Variants in ITPR1 observed in about 807,000 individuals in gnomAD.
ITPR1 encodes the protein inositol 1,4,5-trisphosphate receptor type 1, also known as inositol 1,4,5-trisphosphate-gated calcium channel ITPR1.
ITPR1 carries 96 observed loss-of-function variants against 318.4 expected under a neutral mutation model. That is an observed-to-expected ratio of 0.30 (90% CI 0.26 to 0.36). The LOEUF (loss-of-function observed/expected upper bound fraction) is 0.36. Ranked by LOEUF, ITPR1 falls within the 10% of genes least tolerant of loss-of-function variation. ITPR1 has a pLI of 1.00. For synonymous variants in ITPR1, 1,312 were observed against 1,289.9 expected (o/e 1.02, Z -0.37); for missense variants, 2,440 against 3,460.2 (o/e 0.71, Z 7.40).
chr3:4,800,110 G>A (rs761226320), intron 53 of ITPR1: 1 of 371,866 alleles, frequency 2.7e-6, no homozygotes, highest in Non-Finnish European at 4.8e-6. Flanking sequence ...TACGGAGGAG[G>A]AGGGAACTCC....
In ITPR1 at chr3:4,711,472, G is replaced by A. The variant is rs549492182; in HGVS notation, c.4992-285G>A. On this transcript the variant is annotated intron_variant, in intron 38 of 61. Coordinates refer to ENST00000649015, the MANE Select transcript of ITPR1 (RefSeq NM_001378452.1). ...ACGCTTTATAAACGAGCAGGTCTGA[G>A]TGGACCTCTGTCTCGGTTCTCCTCT... 3.1e-4 allele frequency: 102 copies of A among 332,514 alleles called. 1 individual carries two copies. Among genetic ancestry groups the A allele is most frequent in the African/African-American group, 1.9e-3 (88 of 47,484 alleles). The allele number at this position is 332,514 out of a possible 1,614,324, so 20.6% of individuals were successfully genotyped here.
At chr3:4,794,098 G>C (rs2047743160) in intron 52 of ITPR1, among the ~76,000 whole-genome samples, 1 of 152,194 alleles carries the variant, frequency 6.6e-6, no homozygotes, top group Non-Finnish European at 1.5e-5. Flanking sequence ...GGATGATGTG[G>C]AATGAGACTG....
chr3:4,734,636 C>T (rs913899832), intron 43 of ITPR1, among the ~76,000 whole-genome samples: 4 of 152,244 alleles, frequency 2.6e-5, no homozygotes, highest in Non-Finnish European at 5.9e-5. Flanking sequence ...TCATCTCCCC[C>T]ATCCCCAGCT....
chr3:4,502,214 AG>A (rs2081075648), intron 2 of ITPR1, among the ~76,000 whole-genome samples: 1 of 152,048 alleles, frequency 6.6e-6, no homozygotes, highest in Non-Finnish European at 1.5e-5. Flanking sequence ...TCTATTCCTT[AG>A]GGCCCAGCCC....
chr3:4,729,364 G>C (rs1489399713), intron 42 of ITPR1, among the ~76,000 whole-genome samples: 1 of 152,172 alleles, frequency 6.6e-6, no homozygotes, highest in Non-Finnish European at 1.5e-5. Context: ...ATACCTTGTG[G>C]AGTGAAACAT....
At chr3:4,648,365 C>T (rs1045314958) in intron 10 of ITPR1, among the ~76,000 whole-genome samples, 19 of 152,086 alleles carry the variant, frequency 1.2e-4, no homozygotes, top group Admixed American at 8.5e-4. Flanking sequence ...CCTTGAGAGA[C>T]GTCAGAATGA....
At chr3:4,825,218 T>C (rs184192075) in intron 60 of ITPR1, among the ~76,000 whole-genome samples, 72 of 152,350 alleles carry the variant, frequency 4.7e-4, no homozygotes, top group Admixed American at 1.8e-3. Flanking sequence ...CAACATTCCA[T>C]TGGAGATTTT....
chr3:4,698,197 T>C (rs1174194285), intron 34 of ITPR1, among the ~76,000 whole-genome samples: 1 of 152,212 alleles, frequency 6.6e-6, no homozygotes, highest in Admixed American at 6.5e-5. Context: ...AATTGTCAGA[T>C]ACATACCAGT....
At chr3:4,831,247 T>C (rs1282103175) in intron 60 of ITPR1, 3 of 313,740 alleles carry the variant, frequency 9.6e-6, no homozygotes, top group Non-Finnish European at 1.9e-5. Context: ...CTTCAGTGTT[T>C]GCCTTCGCAG....
intron 34 of ITPR1, among the ~76,000 whole-genome samples, chr3:4,698,452 G>T (rs1181888079): frequency 1.3e-5 from 2 of 151,994 alleles, no homozygotes; most frequent in African/African-American, 4.8e-5. Context: ...GGAATGGCAG[G>T]CCTGCTTTAT....
intron 59 of ITPR1, among the ~76,000 whole-genome samples, chr3:4,817,108 G>A (rs1386944): frequency 0.34 from 52,086 of 152,134 alleles, 9,316 homozygotes; most frequent in East Asian, 0.45. Flanking sequence ...TGTCATCATC[G>A]TTTTCTATGT....
intron 44 of ITPR1, chr3:4,750,830 T>G (rs952661305): frequency 1.3e-5 from 2 of 152,516 alleles, no homozygotes; most frequent in African/African-American, 4.8e-5. Flanking sequence ...ATATTTTCCC[T>G]CTCCTTCCTA....
chr3:4,825,814 A>C lies in ITPR1; in HGVS notation c.8028+7572A>C, dbSNP rs1405606212. 5 of 456,762 alleles carry C rather than the reference A, an allele frequency of 1.1e-5. No homozygotes were observed. In the Admixed American group the frequency reaches 1.2e-4, roughly 11 times the overall value. The allele number at this position is 456,762 out of a possible 1,614,324, so 28.3% of individuals were successfully genotyped here. On this transcript the variant is annotated intron_variant, in intron 60 of 61. Coordinates refer to ENST00000649015, the MANE Select transcript of ITPR1 (RefSeq NM_001378452.1). ...AAGTTGGGGACAACAGCTTCCAGCC[A>C]GAGGCAACGCAAGGAACCAAGTGCA... is the stretch of plus-strand genomic sequence containing the variant.
chr3:4,833,903 T>C (rs1376986870), intron 60 of ITPR1, among the ~76,000 whole-genome samples: 5 of 152,174 alleles, frequency 3.3e-5, no homozygotes, highest in Admixed American at 2.6e-4. Flanking sequence ...AGTTAGTTTT[T>C]TATTTGTTTT....
intron 44 of ITPR1, among the ~76,000 whole-genome samples, chr3:4,737,413 G>A (rs1282509334): frequency 6.6e-6 from 1 of 152,188 alleles, no homozygotes; most frequent in African/African-American, 2.4e-5. Context: ...GACTGAAAGG[G>A]GGAAATTGGG....
chr3:4,683,165 G>T (rs1337517193), intron 26 of ITPR1, among the ~76,000 whole-genome samples: 2 of 152,196 alleles, frequency 1.3e-5, no homozygotes, highest in South Asian at 2.1e-4. Flanking sequence ...CTTAAAATTT[G>T]ACTTATCTTT....
At chr3:4,813,101 C>CT (rs778686204) in intron 56 of ITPR1, 41 bp from the exon 57 acceptor site, 1 of 1,473,324 alleles carries the variant, frequency 6.8e-7, no homozygotes, top group Non-Finnish European at 9.5e-7. Context: ...TAACCATATG[C>CT]TGCCAGATTG....
chr3:4,846,438 CA>C lies in ITPR1; in HGVS notation c.*218del. 2 of 369,318 alleles carry C rather than the reference CA, an allele frequency of 5.4e-6. No individual in the cohort carries two copies. The highest frequency in any genetic ancestry group is 9.6e-6 in the Non-Finnish European group (2 of 207,630). 22.9% of individuals were successfully genotyped at this position (369,318 alleles called of 1,614,324 possible). On this transcript the variant is annotated 3_prime_UTR_variant, in exon 62 of 62. Coordinates refer to ENST00000649015, the MANE Select transcript of ITPR1 (RefSeq NM_001378452.1). Reference sequence around the variant, plus strand: ...TGGCATGATGACATTTCATTTGTGCCAAAAATATTAAAAATGCCTTTTTTGG... The same window carrying C: ...TGGCATGATGACATTTCATTTGTGCCAAAATATTAAAAATGCCTTTTTTGG...
At chr3:4,757,460 T>G (rs2045089222) in intron 44 of ITPR1, among the ~76,000 whole-genome samples, 1 of 152,094 alleles carries the variant, frequency 6.6e-6, no homozygotes, top group South Asian at 2.1e-4. Context: ...CTGAAAGACC[T>G]GGTGGGTAGG....
Sources: allele counts gnomAD v4.1 joint callset (sites outside exome capture counted in the v4.1 genomes callset), GRCh38; gene constraint gnomAD v4.1.1; transcripts MANE v1.5; gene names NCBI Gene and HGNC (gene_info 2026-07-23, HGNC 2026-07-21).